Variants in LPCAT3 observed in about 807,000 individuals in gnomAD.
LPCAT3 encodes the protein lysophospholipid acyltransferase 5.
A neutral mutation model predicts 63.4 loss-of-function variants in LPCAT3; 21 were observed. The ratio of observed to expected loss-of-function variants is 0.33; its 90% CI spans 0.23 to 0.48. The LOEUF (loss-of-function observed/expected upper bound fraction) is 0.48. Ranked by LOEUF, LPCAT3 falls within the 20% of genes least tolerant of loss-of-function variation. The probability of loss-of-function intolerance (pLI) is 0.99; values close to 1 mark genes in which losing one functional copy is unlikely to be tolerated. For synonymous variants in LPCAT3, 242 were observed against 227.5 expected (o/e 1.06, Z -0.58); for missense variants, 451 against 590.6 (o/e 0.76, Z 2.45).
Position 6,977,994 on chromosome 12 carries a change from A to G in LPCAT3, c.1041-249T>C, listed in dbSNP as rs782074805. ...AGCAGTGACTGAGGCTGATGCTGAGATCAGTGGTGAACCAGACACTCTACT... is the reference window on the plus strand; with the variant it reads ...AGCAGTGACTGAGGCTGATGCTGAGGTCAGTGGTGAACCAGACACTCTACT... On this transcript the variant is annotated intron_variant, in intron 9 of 12. Transcript: ENST00000261407. This position sits in a 1 kb window ranked among gnomAD's most constrained non-coding sequence, Gnocchi z 4.5. The G allele has an allele frequency of 1.2e-3, 672 of 567,976 alleles. 2 individuals carry two copies. Among genetic ancestry groups the G allele is most frequent in the Non-Finnish European group, 1.8e-3 (565 of 318,256 alleles). The allele number at this position is 567,976 out of a possible 1,614,324, so 35.2% of individuals were successfully genotyped here.
At chr12:6,998,545 T>C (rs1946657512) in intron 1 of LPCAT3, among the ~76,000 whole-genome samples, 2 of 152,252 alleles carry the variant, frequency 1.3e-5, no homozygotes, top group African/African-American at 4.8e-5. Flanking sequence ...AAGCTCTGCC[T>C]GACACTGTCT....
At chr12:7,011,452 C>G (rs1239705241) in intron 1 of LPCAT3, among the ~76,000 whole-genome samples, 1 of 151,870 alleles carries the variant, frequency 6.6e-6, no homozygotes, top group Non-Finnish European at 1.5e-5. Context: ...TTGAGACCAC[C>G]CTGGGCAACA....
At chr12:6,999,059 T>C (rs1946661703) in intron 1 of LPCAT3, among the ~76,000 whole-genome samples, 1 of 152,212 alleles carries the variant, frequency 6.6e-6, no homozygotes, top group South Asian at 2.1e-4. Flanking sequence ...ACAGCTCTAT[T>C]ATTCTTTGAT....
Position 6,981,734 on chromosome 12 carries a change from G to C in LPCAT3, c.460+77C>G, listed in dbSNP as rs1181964423. 2.1e-6 allele frequency: 3 copies of C among 1,404,258 alleles called. No individual in the cohort carries two copies. The African/African-American group carries it at 4.3e-5, about 20-fold the overall frequency. 87.0% of individuals were successfully genotyped at this position (1,404,258 alleles called of 1,614,324 possible). A position where few individuals can be genotyped will look rare whatever the true frequency, so the allele number is the denominator to read the frequency against. On this transcript the variant is annotated intron_variant, in intron 4 of 12. Coordinates refer to ENST00000261407, the MANE Select transcript of LPCAT3 (RefSeq NM_005768.6). ...AGAAGTGTATGGCGGGGGGCGGAGG[G>C]GGGGTGCCGAGGAAGTTTTTAGTGA...
intron 1 of LPCAT3, among the ~76,000 whole-genome samples, chr12:6,983,856 A>G (rs1270410758): frequency 2.0e-5 from 3 of 152,184 alleles, no homozygotes; most frequent in Non-Finnish European, 4.4e-5. Context: ...AAAATGATAC[A>G]AGGAAGCTAG....
At chr12:7,015,329 A>G (rs1367972572) in intron 1 of LPCAT3, among the ~76,000 whole-genome samples, 3 of 152,216 alleles carry the variant, frequency 2.0e-5, no homozygotes, top group Non-Finnish European at 2.9e-5. Flanking sequence ...GTGAACCAGA[A>G]ATCATTTTGG....
chr12:7,008,367 C>T (rs782751820), intron 1 of LPCAT3, among the ~76,000 whole-genome samples: 2 of 152,100 alleles, frequency 1.3e-5, no homozygotes, highest in Non-Finnish European at 2.9e-5. Context: ...ACACACACTC[C>T]TATCTTAAAA....
rs758636018 is a variant in LPCAT3 at position 6,976,435 on chromosome 12, C to T, written c.*469G>A. On this transcript the variant is annotated 3_prime_UTR_variant, in exon 13 of 13. Coordinates refer to ENST00000261407, the MANE Select transcript of LPCAT3 (RefSeq NM_005768.6). ...CCCTCTGCTCCTCCCACAAGAGTTT[C>T]CCCTTTGGGCCGGGCACGGTGGCTC... 5.7e-3 allele frequency: 879 copies of T among 153,526 alleles called. 6 individuals carry two copies. Among genetic ancestry groups the T allele is most frequent in the Middle Eastern group, 0.047 (14 of 296 alleles). 9.5% of individuals were successfully genotyped at this position (153,526 alleles called of 1,614,324 possible).
intron 5 of LPCAT3, 58 bp downstream of exon 5, chr12:6,981,537 A>G: frequency 6.4e-7 from 1 of 1,569,142 alleles, no homozygotes; most frequent in Non-Finnish European, 8.8e-7. Context: ...TTTGTTAACA[A>G]CTTTTTTCTT....
chr12:6,986,795 CA>C (rs1157395768), intron 1 of LPCAT3, among the ~76,000 whole-genome samples: 868 of 33,904 alleles, frequency 0.026, 4 homozygotes, highest in South Asian at 0.067. Context: ...GACTCTGTCT[CA>C]AAAAAAAAAA....
intron 1 of LPCAT3, among the ~76,000 whole-genome samples, chr12:7,005,630 G>C (rs1456508126): frequency 6.6e-6 from 1 of 152,162 alleles, no homozygotes; most frequent in Non-Finnish European, 1.5e-5. Context: ...TGCCATCCTA[G>C]TAGGTGTGAA....
chr12:6,983,843 T>A (rs1278941512), intron 1 of LPCAT3, among the ~76,000 whole-genome samples: 2 of 152,212 alleles, frequency 1.3e-5, no homozygotes, highest in Non-Finnish European at 2.9e-5. Context: ...ACTTGAATTT[T>A]AAAAAATGAT....
intron 4 of LPCAT3, 42 bp from the exon 5 acceptor site, chr12:6,981,674 A>G (rs371109001): frequency 4.4e-6 from 7 of 1,583,086 alleles, no homozygotes; most frequent in Middle Eastern, 1.7e-4. Context: ...GTGGGAGAGG[A>G]CACTGAGGAT....
At chr12:7,013,194 T>G (rs1946777006) in intron 1 of LPCAT3, among the ~76,000 whole-genome samples, 1 of 152,222 alleles carries the variant, frequency 6.6e-6, no homozygotes, top group Non-Finnish European at 1.5e-5. Context: ...TGAAGGGCAC[T>G]CCAGGCAGCA....
At chr12:6,981,259 T>G (rs1804296198) in intron 5 of LPCAT3, 77 bp from the exon 6 acceptor site, 1 of 1,196,606 alleles carries the variant, frequency 8.4e-7, no homozygotes, top group Non-Finnish European at 1.2e-6. Flanking sequence ...GTTCCCCACC[T>G]GTGTGCCCCA....
chr12:7,005,024 C>T (rs1232016660), intron 1 of LPCAT3, among the ~76,000 whole-genome samples: 2 of 152,142 alleles, frequency 1.3e-5, no homozygotes, highest in Non-Finnish European at 2.9e-5. Context: ...TATCTAATGC[C>T]AGAACATTTT....
At chr12:7,001,994 T>G (rs868984136) in intron 1 of LPCAT3, among the ~76,000 whole-genome samples, 7 of 152,094 alleles carry the variant, frequency 4.6e-5, no homozygotes, top group Non-Finnish European at 7.4e-5. Context: ...GAGCTACGTA[T>G]TTTAGATGCA....
At chr12:6,996,289 G>A (rs982019859) in intron 1 of LPCAT3, among the ~76,000 whole-genome samples, 3 of 152,070 alleles carry the variant, frequency 2.0e-5, no homozygotes, top group African/African-American at 7.2e-5. Context: ...TACACCTCAG[G>A]TCCTTTGTAA....
chr12:7,015,786 C>T (rs1473311601), intron 1 of LPCAT3, among the ~76,000 whole-genome samples: 3 of 152,072 alleles, frequency 2.0e-5, no homozygotes, highest in African/African-American at 7.2e-5. Flanking sequence ...GTGTTTATTA[C>T]TTTGATGATT....
Sources: gnomAD v4.1 joint callset for allele counts (sites outside exome capture counted in the v4.1 genomes callset) on GRCh38, gnomAD v4.1.1 for gene constraint, Gnocchi (gnomAD v3.1) non-coding constraint, MANE v1.5 for transcripts, NCBI Gene and HGNC (gene_info 2026-07-23, HGNC 2026-07-21) for gene names.